ACSF3: variants seen among roughly 807,000 people sequenced by gnomAD.
ACSF3 encodes the protein malonate--CoA ligase ACSF3, mitochondrial.
In ACSF3, 78 loss-of-function variants were observed where a neutral mutation model predicts 53.2. The observed-to-expected ratio is 1.47, with a 90% CI of 1.22 to 1.77. The LOEUF is 1.77. Ranked by LOEUF, ACSF3 falls within the 40% of genes most tolerant of loss-of-function variation. The pLI is 0.00. For missense variants in ACSF3, 937 were observed against 771.1 expected (o/e 1.22, Z -2.55); for synonymous variants, 414 against 333.1 (o/e 1.24, Z -2.65).
chr16:89,146,692 C>T (rs1913026686), intron 10 of ACSF3, among the ~76,000 whole-genome samples: 1 of 152,202 alleles, frequency 6.6e-6, no homozygotes, highest in South Asian at 2.1e-4. Context: ...CGGTGGCCAC[C>T]ACCCAGTCCT....
chr16:89,140,974 C>A, intron 8 of ACSF3: 1 of 1,038,604 alleles, frequency 9.6e-7, no homozygotes, highest in Non-Finnish European at 1.3e-6. Flanking sequence ...AGCCCATTGG[C>A]AGCCGACTCC....
chr16:89,113,807 G>A lies in ACSF3; in HGVS notation c.978-532G>A, dbSNP rs1274193159. 1.8e-5 allele frequency: 4 copies of A among 219,390 alleles called. No homozygotes were observed. The East Asian group carries it at 3.5e-4, about 19-fold the overall frequency. The allele number at this position is 219,390 out of a possible 1,614,324, so 13.6% of individuals were successfully genotyped here. On this transcript the variant is annotated intron_variant, in intron 5 of 10. Coordinates refer to ENST00000614302, the MANE Select transcript of ACSF3 (RefSeq NM_001243279.3). ...TGGGCCAAGATGGCTGCAGTTCTGC[G>A]GGTGGTTCTGAGCCCCTTGGGTGTG...
At chr16:89,101,452 C>T (rs1975330749) in intron 3 of ACSF3, 105 bp downstream of exon 3, 1 of 1,536,414 alleles carries the variant, frequency 6.5e-7, no homozygotes, top group Non-Finnish European at 8.8e-7. Context: ...TGGAGTCATT[C>T]ACAGTTGTCA....
chr16:89,134,076 A>G (rs754220649), intron 8 of ACSF3, among the ~76,000 whole-genome samples: 1 of 152,224 alleles, frequency 6.6e-6, no homozygotes, highest in Non-Finnish European at 1.5e-5. Context: ...TAGTGGACGT[A>G]TATGGATGGA....
At chr16:89,131,576 TC>T (rs1909334424) in intron 7 of ACSF3, among the ~76,000 whole-genome samples, 1 of 152,234 alleles carries the variant, frequency 6.6e-6, no homozygotes, top group Non-Finnish European at 1.5e-5. Context: ...GGGATGAGAT[TC>T]TTGGTCTTGT....
chr16:89,096,994 C>T (rs1974694421), intron 1 of ACSF3, among the ~76,000 whole-genome samples: 1 of 150,278 alleles, frequency 6.7e-6, no homozygotes, highest in African/African-American at 2.5e-5. Flanking sequence ...TTGAGTTTGC[C>T]CAGCCCAGCT....
At chr16:89,100,128 A>C (rs1975097799) in intron 2 of ACSF3, among the ~76,000 whole-genome samples, 1 of 152,210 alleles carries the variant, frequency 6.6e-6, no homozygotes, top group South Asian at 2.1e-4. Context: ...GCGACACAGC[A>C]AGACCCTGTC....
chr16:89,112,367 G>A (rs1297677633), intron 5 of ACSF3, 121 bp downstream of exon 5: 14 of 1,258,194 alleles, frequency 1.1e-5, no homozygotes, highest in African/African-American at 7.4e-5. Flanking sequence ...TCCTTTCAAT[G>A]TTCCCTCTCT....
Position 89,155,370 on chromosome 16 carries a change from G to A in ACSF3, c.*1163G>A. The A allele has an allele frequency of 2.2e-6, 1 of 451,666 alleles. No individual in the cohort carries two copies. Among genetic ancestry groups the A allele is most frequent in the South Asian group, 1.6e-5 (1 of 64,440 alleles). 28.0% of individuals were successfully genotyped at this position (451,666 alleles called of 1,614,324 possible). A position where few individuals can be genotyped will look rare whatever the true frequency, so the allele number is the denominator to read the frequency against. ...TCAGGCTCACGTGCCTCTGACAGGA[G>A]ACCAGCCCCATCTCAGGCTCACATG... is the stretch of plus-strand genomic sequence containing the variant. On this transcript the variant is annotated 3_prime_UTR_variant, in exon 11 of 11. Coordinates refer to ENST00000614302, the MANE Select transcript of ACSF3 (RefSeq NM_001243279.3).
rs544916313 is a variant in ACSF3 at position 89,154,227 on chromosome 16, G to A, written c.*20G>A. On this transcript the variant is annotated 3_prime_UTR_variant, in exon 11 of 11. Transcript: ENST00000614302. The stretch of plus-strand genomic sequence containing the variant: ...TCATGACCCGGCAGACTGGGACTGC[G>A]GGTCTGGTGGGGAGCAGCAGACGTC... 57 of 1,607,962 alleles carry A rather than the reference G, an allele frequency of 3.5e-5. No individual in the cohort carries two copies. The highest frequency in any genetic ancestry group is 4.5e-5 in the East Asian group (2 of 44,806).
intron 8 of ACSF3, chr16:89,141,298 C>T (rs1310136285): frequency 1.6e-6 from 2 of 1,287,028 alleles, no homozygotes; most frequent in Admixed American, 4.6e-5. Flanking sequence ...GCTGAGTAGT[C>T]TGGGAATGGG....
intron 10 of ACSF3, chr16:89,148,598 C>G (rs947446633): frequency 1.3e-5 from 2 of 152,050 alleles, no homozygotes; most frequent in Non-Finnish European, 2.9e-5. Context: ...TGCAAGCTGT[C>G]GGTGGGTTAT....
chr16:89,103,001 T>C (rs1054026526), intron 4 of ACSF3, among the ~76,000 whole-genome samples: 2 of 152,256 alleles, frequency 1.3e-5, no homozygotes, highest in East Asian at 3.8e-4. Context: ...CTTTTTGCTA[T>C]ACATACGTAC....
At chr16:89,137,453 T>C (rs12929209) in intron 8 of ACSF3, among the ~76,000 whole-genome samples, 429 of 92,882 alleles carry the variant, frequency 4.6e-3, no homozygotes, top group Middle Eastern at 8.1e-3. Flanking sequence ...GCCCCAGGTC[T>C]CGGGAGGACC....
At chr16:89,123,457 CT>C (rs1907151182) in intron 7 of ACSF3, among the ~76,000 whole-genome samples, 1 of 152,218 alleles carries the variant, frequency 6.6e-6, no homozygotes, top group Non-Finnish European at 1.5e-5. Flanking sequence ...GAGGGTGCCC[CT>C]CACTACCACG....
Position 89,093,873 on chromosome 16 carries a change from G to C in ACSF3, c.-317G>C, listed in dbSNP as rs769771344. The C allele has an allele frequency of 3.2e-6, 1 of 315,836 alleles. No homozygotes were observed. Among genetic ancestry groups the C allele is most frequent in the South Asian group, 2.2e-5 (1 of 45,088 alleles). 19.6% of individuals were successfully genotyped at this position (315,836 alleles called of 1,614,324 possible). On this transcript the variant is annotated 5_prime_UTR_variant, in exon 1 of 11. Transcript: ENST00000614302. ...AGCTGTTGGGCGCCGGAACTGGTCCGGCCCGACTCACGACCCCGCGGGACC... is the reference window on the plus strand; with the variant it reads ...AGCTGTTGGGCGCCGGAACTGGTCCCGCCCGACTCACGACCCCGCGGGACC...
intron 10 of ACSF3, among the ~76,000 whole-genome samples, chr16:89,146,483 G>C (rs2064502781): frequency 6.6e-6 from 1 of 152,178 alleles, no homozygotes; most frequent in African/African-American, 2.4e-5. Flanking sequence ...CCCAAAGCCA[G>C]TGCTGGGCCC....
At chr16:89,122,468 G>A (rs1341413977) in intron 7 of ACSF3, 1 of 434,498 alleles carries the variant, frequency 2.3e-6, no homozygotes, top group African/African-American at 2.0e-5. Context: ...CCACATCTCA[G>A]GTTCCTGAAT....
rs538801626 is a variant in ACSF3 at position 89,120,705 on chromosome 16, C to T, written c.1127-96C>T. ...TCCACACAGACTCCCGCACGTGGCA[C>T]ACGGGAGCTCAGCGGGATCCGAGCT... On this transcript the variant is annotated intron_variant, in intron 6 of 10. Coordinates refer to ENST00000614302, the MANE Select transcript of ACSF3 (RefSeq NM_001243279.3). 3.9e-5 allele frequency: 47 copies of T among 1,207,802 alleles called. No individual in the cohort carries two copies. The African/African-American group carries it at 5.1e-4, about 13-fold the overall frequency. The allele number at this position is 1,207,802 out of a possible 1,614,324, so 74.8% of individuals were successfully genotyped here.
Sources: allele counts gnomAD v4.1 joint callset (sites outside exome capture counted in the v4.1 genomes callset), GRCh38; gene constraint gnomAD v4.1.1; transcripts MANE v1.5; gene names NCBI Gene and HGNC (gene_info 2026-07-23, HGNC 2026-07-21).